Variants in BCAS3 observed in about 807,000 individuals in gnomAD.
The protein encoded by BCAS3 is BCAS3 microtubule associated cell migration factor, also known as BCAS4/BCAS3 fusion.
A neutral mutation model predicts 116.1 loss-of-function variants in BCAS3; 53 were observed. The observed-to-expected ratio is 0.46, with a 90% CI of 0.37 to 0.57. The LOEUF (loss-of-function observed/expected upper bound fraction) is 0.57, where lower values mean the gene tolerates loss of function less well. Ranked by LOEUF, BCAS3 falls within the 20% of genes least tolerant of loss-of-function variation. The pLI is 0.00. For synonymous variants in BCAS3, 391 were observed against 408.2 expected (o/e 0.96, Z 0.51); for missense variants, 917 against 1,165.4 (o/e 0.79, Z 3.10).
chr17:60,714,302 A>G (rs2038294955), intron 5 of BCAS3, among the ~76,000 whole-genome samples: 1 of 152,192 alleles, frequency 6.6e-6, no homozygotes, highest in African/African-American at 2.4e-5. Flanking sequence ...AGGTGGGCAG[A>G]AAATCAACCC....
Position 61,007,743 on chromosome 17 carries a change from A to G in BCAS3, c.1487-8008A>G, listed in dbSNP as rs1412556883. Among the ~76,000 whole-genome samples the G allele has an allele frequency of 6.6e-6, 1 of 151,788 alleles. No individual in the cohort carries two copies. Among genetic ancestry groups the G allele is most frequent in the Admixed American group, 6.6e-5 (1 of 15,216 alleles). On this transcript the variant is annotated intron_variant, in intron 15 of 23. Coordinates refer to ENST00000407086, the MANE Select transcript of BCAS3 (RefSeq NM_017679.5). This position sits in a 1 kb window ranked among gnomAD's most constrained non-coding sequence, Gnocchi z 4.3. ...AAAGAAAGATTGGATTCTTGTTTTC[A>G]AGTCCATTTTGTGGGAGATTTCTCT...
chr17:61,222,508 C>T lies in BCAS3; in HGVS notation c.2425+137944C>T, dbSNP rs2082162707. Among the ~76,000 whole-genome samples the T allele has an allele frequency of 6.6e-6, 1 of 152,148 alleles. No individual in the cohort carries two copies. Among genetic ancestry groups the T allele is most frequent in the Admixed American group, 6.5e-5 (1 of 15,272 alleles). ...CATTCCTCTTTTCGCTGTTGCTCAG[C>T]GGTGTTTGCCTGAGGTACAGATGTT... On this transcript the variant is annotated intron_variant, in intron 22 of 23. Coordinates refer to ENST00000407086, the MANE Select transcript of BCAS3 (RefSeq NM_017679.5). The surrounding 1 kb of genome is among the most constrained non-coding windows in gnomAD (Gnocchi z 6.1).
intron 22 of BCAS3, among the ~76,000 whole-genome samples, chr17:61,234,972 C>G (rs967551172): frequency 6.6e-6 from 1 of 152,110 alleles, no homozygotes; most frequent in Admixed American, 6.6e-5. Flanking sequence ...ACTGCAACTT[C>G]CACCTCCTGG....
At chr17:61,031,891 G>C (rs552844344) in intron 16 of BCAS3, among the ~76,000 whole-genome samples, 1 of 152,198 alleles carries the variant, frequency 6.6e-6, no homozygotes, top group African/African-American at 2.4e-5. Context: ...CTTATTTTCT[G>C]TAGGAGATAC....
intron 19 of BCAS3, among the ~76,000 whole-genome samples, chr17:61,067,993 A>G (rs1226146771): frequency 1.3e-5 from 2 of 152,108 alleles, no homozygotes; most frequent in African/African-American, 4.8e-5. Flanking sequence ...TCTAAAGTAA[A>G]TTGATAGTAT....
intron 5 of BCAS3, among the ~76,000 whole-genome samples, chr17:60,725,966 G>A (rs1380810171): frequency 6.6e-6 from 1 of 152,152 alleles, no homozygotes; most frequent in East Asian, 1.9e-4. Context: ...TGTGATCTTG[G>A]CTCACTGCAG....
intron 9 of BCAS3, among the ~76,000 whole-genome samples, chr17:60,879,550 C>G (rs575917475): frequency 6.6e-6 from 1 of 152,206 alleles, no homozygotes. Context: ...AAATCCAAAA[C>G]CCGTGTATGA....
chr17:60,716,153 G>A (rs956656282), intron 5 of BCAS3, among the ~76,000 whole-genome samples: 5 of 152,134 alleles, frequency 3.3e-5, no homozygotes, highest in Non-Finnish European at 7.3e-5. Context: ...GAGCCACCGC[G>A]CACAGCCACG....
chr17:60,729,021 C>T (rs1278108798), intron 5 of BCAS3, among the ~76,000 whole-genome samples: 1 of 152,134 alleles, frequency 6.6e-6, no homozygotes. Flanking sequence ...AAGATAATCA[C>T]TATTCTGACC....
At chr17:60,999,029 G>T (rs1189001889) in intron 15 of BCAS3, among the ~76,000 whole-genome samples, 3 of 152,074 alleles carry the variant, frequency 2.0e-5, no homozygotes, top group Non-Finnish European at 4.4e-5. Flanking sequence ...ATTCTTCTGT[G>T]TGTATATAGT....
At chr17:61,003,418 CTTTTTCTTTCCTTT>C (rs371393161) in intron 15 of BCAS3, among the ~76,000 whole-genome samples, 2,162 of 117,202 alleles carry the variant, frequency 0.018, 70 homozygotes, top group African/African-American at 0.067. Flanking sequence ...CCCTTCCCTT[CTTTTTCTTTCCTTT>C]TTTTTCTTTC....
Position 61,325,181 on chromosome 17 carries a change from A to G in BCAS3, c.2426-43146A>G, listed in dbSNP as rs181018550. 2.9e-4 allele frequency among the ~76,000 whole-genome samples: 44 copies of G among 152,366 alleles called. No homozygotes were observed. Among genetic ancestry groups the G allele is most frequent in the African/African-American group, 9.9e-4 (41 of 41,594 alleles). On this transcript the variant is annotated intron_variant, in intron 22 of 23. Coordinates refer to ENST00000407086, the MANE Select transcript of BCAS3 (RefSeq NM_017679.5). The surrounding 1 kb of genome is among the most constrained non-coding windows in gnomAD (Gnocchi z 6.4). Reference sequence around the variant, plus strand: ...TCTCTGTGGACCACAACAGGACCACAGGCTGTTACACAGTTAGCATTTAAC... The same window carrying G: ...TCTCTGTGGACCACAACAGGACCACGGGCTGTTACACAGTTAGCATTTAAC...
intron 14 of BCAS3, among the ~76,000 whole-genome samples, chr17:60,954,601 A>C (rs1212874204): frequency 6.6e-6 from 1 of 152,218 alleles, no homozygotes; most frequent in African/African-American, 2.4e-5. Context: ...GAAAAACTAG[A>C]AAATGGAATT....
chr17:60,932,785 A>G (rs1461507679), intron 13 of BCAS3, among the ~76,000 whole-genome samples: 1 of 149,700 alleles, frequency 6.7e-6, no homozygotes, highest in East Asian at 2.0e-4. Flanking sequence ...CTCCATCTCT[A>G]TATATTGGGA....
chr17:61,116,023 T>C (rs1001123420), intron 22 of BCAS3, among the ~76,000 whole-genome samples: 2 of 142,656 alleles, frequency 1.4e-5, no homozygotes, highest in African/African-American at 2.6e-5. Flanking sequence ...TTCTCACTCA[T>C]AGGTGGGAAT....
At chr17:61,153,804 T>G (rs1053528848) in intron 22 of BCAS3, among the ~76,000 whole-genome samples, 1 of 152,234 alleles carries the variant, frequency 6.6e-6, no homozygotes, top group Non-Finnish European at 1.5e-5. Flanking sequence ...AGCAGTCATA[T>G]TAGGATTCTT....
Position 61,261,170 on chromosome 17 carries a change from A to G in BCAS3, c.2426-107157A>G, listed in dbSNP as rs1286043837. Among the ~76,000 whole-genome samples, 1 of 152,218 alleles carries G rather than the reference A, an allele frequency of 6.6e-6. No individual in the cohort carries two copies. Among genetic ancestry groups the G allele is most frequent in the African/African-American group, 2.4e-5 (1 of 41,454 alleles). On this transcript the variant is annotated intron_variant, in intron 22 of 23. Coordinates refer to ENST00000407086, the MANE Select transcript of BCAS3 (RefSeq NM_017679.5). This position sits in a 1 kb window ranked among gnomAD's most constrained non-coding sequence, Gnocchi z 4.4. ...TCAGAAACTTAAAACCAGACTAAAA[A>G]GGGCCAACCCATTAGGGAAGTACCT...
intron 22 of BCAS3, among the ~76,000 whole-genome samples, chr17:61,142,977 T>A (rs1321441029): frequency 6.6e-6 from 1 of 152,236 alleles, no homozygotes; most frequent in Non-Finnish European, 1.5e-5. Context: ...AAGCTTTTTC[T>A]TCTAGCATTT....
chr17:61,297,654 A>C (rs143114210), intron 22 of BCAS3, among the ~76,000 whole-genome samples: 1 of 152,182 alleles, frequency 6.6e-6, no homozygotes, highest in Non-Finnish European at 1.5e-5. Flanking sequence ...AAGGGAGGTC[A>C]GTGTGATGGG....
Sources: gnomAD v4.1 joint callset for allele counts (sites outside exome capture counted in the v4.1 genomes callset) on GRCh38, gnomAD v4.1.1 for gene constraint, Gnocchi (gnomAD v3.1) non-coding constraint, MANE v1.5 for transcripts, NCBI Gene and HGNC (gene_info 2026-07-23, HGNC 2026-07-21) for gene names.